EXOC4: variants seen among roughly 807,000 people sequenced by gnomAD.
The protein encoded by EXOC4 is SEC8-like 1.
Under a neutral mutation model 107.2 loss-of-function variants are expected in EXOC4, and 71 were observed. The observed-to-expected ratio is 0.66, with a 90% CI of 0.55 to 0.81. The LOEUF is 0.81. EXOC4 is among the 30% of genes least tolerant of loss of function. The pLI is 0.00. For synonymous variants in EXOC4, 456 were observed against 441.2 expected (o/e 1.03, Z -0.42); for missense variants, 1,108 against 1,189.6 (o/e 0.93, Z 1.01).
At chr7:134,020,578 TC>T (rs1403898709) in intron 17 of EXOC4, among the ~76,000 whole-genome samples, 1 of 152,220 alleles carries the variant, frequency 6.6e-6, no homozygotes, top group African/African-American at 2.4e-5. Context: ...CGGGTTGTAT[TC>T]TTGGAAATTT....
At chr7:133,981,328 C>T (rs904218671) in intron 14 of EXOC4, among the ~76,000 whole-genome samples, 1 of 152,088 alleles carries the variant, frequency 6.6e-6, no homozygotes, top group East Asian at 1.9e-4. Flanking sequence ...ATTTTGCGAT[C>T]AAATGTATAA....
At chr7:134,054,720 T>C (rs1795881471) in intron 17 of EXOC4, among the ~76,000 whole-genome samples, 1 of 152,204 alleles carries the variant, frequency 6.6e-6, no homozygotes, top group Non-Finnish European at 1.5e-5. Context: ...TTCATTTTGC[T>C]AGTTATATTT....
At chr7:133,790,613 A>G (rs990391086) in intron 10 of EXOC4, among the ~76,000 whole-genome samples, 1 of 152,242 alleles carries the variant, frequency 6.6e-6, no homozygotes, top group Non-Finnish European at 1.5e-5. Flanking sequence ...TAATTAGGCA[A>G]ATTCGTCATA....
chr7:134,085,831 TA>T, the EXOC4 span, among the ~76,000 whole-genome samples: 1 of 152,168 alleles, frequency 6.6e-6, no homozygotes, highest in African/African-American at 2.4e-5. Context: ...GCAAAATATT[TA>T]AAAGGAAGAT....
chr7:133,256,895 AT>A (rs1795031634), intron 1 of EXOC4, among the ~76,000 whole-genome samples: 1 of 152,218 alleles, frequency 6.6e-6, no homozygotes, highest in African/African-American at 2.4e-5. Context: ...TAACGACTCT[AT>A]TTTGCTAGTA....
At chr7:133,746,574 T>C (rs1404775651) in intron 10 of EXOC4, among the ~76,000 whole-genome samples, 1 of 152,158 alleles carries the variant, frequency 6.6e-6, no homozygotes, top group Non-Finnish European at 1.5e-5. Context: ...GAATACGTGT[T>C]TCTTTGCCAG....
chr7:133,573,302 C>G (rs1395113788), intron 9 of EXOC4, among the ~76,000 whole-genome samples: 1 of 152,274 alleles, frequency 6.6e-6, no homozygotes, highest in Non-Finnish European at 1.5e-5. Context: ...AATTGACTAG[C>G]TATTGACAGA....
chr7:133,573,734 A>G (rs1243968430), intron 9 of EXOC4, among the ~76,000 whole-genome samples: 3 of 151,926 alleles, frequency 2.0e-5, no homozygotes, highest in Non-Finnish European at 4.4e-5. Context: ...ACTCACTACA[A>G]CCTTCCACCC....
At chr7:133,874,367 G>C (rs548732237) in intron 11 of EXOC4, among the ~76,000 whole-genome samples, 68 of 152,286 alleles carry the variant, frequency 4.5e-4, no homozygotes, top group Non-Finnish European at 9.3e-4. Flanking sequence ...AACCAGTTTT[G>C]TTAAAAACAA....
intron 10 of EXOC4, among the ~76,000 whole-genome samples, chr7:133,662,880 A>G (rs1459268369): frequency 6.6e-6 from 1 of 152,176 alleles, no homozygotes; most frequent in East Asian, 1.9e-4. Context: ...GGAATTTCCT[A>G]TACTTTTTAC....
chr7:133,967,901 G>A lies in EXOC4; in HGVS notation c.2207-29591G>A, dbSNP rs564808654. Among the ~76,000 whole-genome samples the A allele has an allele frequency of 5.9e-5, 9 of 152,182 alleles. No homozygotes were observed. The South Asian group carries it at 6.2e-4, about 11-fold the overall frequency. Reference sequence around the variant, plus strand: ...GATATCCTTGTTAATATTCTGTCTCGTTGATCTGTCTGATACTGATAGTGG... The same window carrying A: ...GATATCCTTGTTAATATTCTGTCTCATTGATCTGTCTGATACTGATAGTGG... On this transcript the variant is annotated intron_variant, in intron 14 of 17. Coordinates refer to ENST00000253861, the MANE Select transcript of EXOC4 (RefSeq NM_021807.4).
chr7:133,558,225 T>C (rs1053911914), intron 9 of EXOC4, among the ~76,000 whole-genome samples: 4 of 148,126 alleles, frequency 2.7e-5, no homozygotes, highest in African/African-American at 7.7e-5. Flanking sequence ...TCTTTTCTTT[T>C]CTTTTCTTTT....
At chr7:134,069,308 CTT>C (rs1491320099), downstream of EXOC4, among the ~76,000 whole-genome samples, 54 of 17,790 alleles carry the variant, frequency 3.0e-3, 1 homozygote, top group African/African-American at 0.012. Flanking sequence ...CCTCCTCCTC[CTT>C]TCTTCCTTCT....
intron 12 of EXOC4, among the ~76,000 whole-genome samples, chr7:133,908,042 C>T (rs904632798): frequency 3.9e-5 from 6 of 152,064 alleles, no homozygotes; most frequent in Non-Finnish European, 8.8e-5. Flanking sequence ...ATCAGTTGCC[C>T]TTCTGGCCAA....
At chr7:133,317,075 T>C (rs1243406846) in intron 4 of EXOC4, among the ~76,000 whole-genome samples, 1 of 152,154 alleles carries the variant, frequency 6.6e-6, no homozygotes, top group African/African-American at 2.4e-5. Flanking sequence ...TTGGAACCCT[T>C]ACAATACATT....
intron 11 of EXOC4, among the ~76,000 whole-genome samples, chr7:133,830,542 A>AGGGGTAG (rs1244187134): frequency 2.0e-5 from 3 of 152,340 alleles, no homozygotes; most frequent in Non-Finnish European, 1.5e-5. Context: ...TTACGTGTTT[A>AGGGGTAG]GGGGTAGGGT....
intron 10 of EXOC4, among the ~76,000 whole-genome samples, chr7:133,799,074 A>G (rs1043225837): frequency 2.6e-5 from 4 of 152,324 alleles, no homozygotes; most frequent in African/African-American, 9.6e-5. Context: ...TCCTGTACCT[A>G]GGGTGAAAAT....
At chr7:133,460,119 G>A (rs1391812782) in intron 7 of EXOC4, among the ~76,000 whole-genome samples, 1 of 152,182 alleles carries the variant, frequency 6.6e-6, no homozygotes, top group Non-Finnish European at 1.5e-5. Flanking sequence ...AGGGTGGCTG[G>A]TGATGGTTTT....
intron 7 of EXOC4, among the ~76,000 whole-genome samples, chr7:133,393,508 C>T (rs1796899995): frequency 6.6e-6 from 1 of 152,092 alleles, no homozygotes; most frequent in Non-Finnish European, 1.5e-5. Context: ...TTTATGTCCC[C>T]CCTACCCCAT....
Sources: allele counts gnomAD v4.1 joint callset (sites outside exome capture counted in the v4.1 genomes callset), GRCh38; gene constraint gnomAD v4.1.1; transcripts MANE v1.5; gene names NCBI Gene and HGNC (gene_info 2026-07-23, HGNC 2026-07-21).